The following SEMA3G variants were observed in gnomAD, a reference collection of about 807,000 sequenced individuals.
SEMA3G encodes the protein semaphorin 3G.
Under a neutral mutation model 86.2 loss-of-function variants are expected in SEMA3G, and 70 were observed. The ratio of observed to expected loss-of-function variants is 0.81; its 90% CI spans 0.67 to 0.99. The LOEUF (loss-of-function observed/expected upper bound fraction) is 0.99. SEMA3G is among the 50% of genes least tolerant of loss of function. The probability of loss-of-function intolerance (pLI) is 0.00; values close to 1 mark genes in which losing one functional copy is unlikely to be tolerated. For missense variants in SEMA3G, 1,002 were observed against 1,072.4 expected (o/e 0.93, Z 0.92); for synonymous variants, 416 against 441.4 (o/e 0.94, Z 0.72).
Position 52,439,658 on chromosome 3 carries a change from C to T in SEMA3G, c.1467+22G>A, listed in dbSNP as rs369683377. 1.9e-6 allele frequency: 3 copies of T among 1,594,280 alleles called. No individual in the cohort carries two copies. In the African/African-American group the frequency reaches 4.0e-5, roughly 21 times the overall value. ...CCCAGAGATGGGGCTTGGAGGGACCCTTCCATCAGCCCCTTGCTTACCTTA... is the reference window on the plus strand; with the variant it reads ...CCCAGAGATGGGGCTTGGAGGGACCTTTCCATCAGCCCCTTGCTTACCTTA... On this transcript the variant is annotated intron_variant, in intron 12 of 15. Coordinates refer to ENST00000231721, the MANE Select transcript of SEMA3G (RefSeq NM_020163.3).
Position 52,441,384 on chromosome 3 carries a change from C to A in SEMA3G, c.693G>T (p.Arg231=), listed in dbSNP as rs994002168. ...LHDPRFVMAA[R]IPENSDQDND... Reference sequence around the variant, plus strand: ...TGTCCTGGTCAGAGTTCTCAGGGATCCGGGCGGCCATCACAAACCGGGGGT... The same window carrying A: ...TGTCCTGGTCAGAGTTCTCAGGGATACGGGCGGCCATCACAAACCGGGGGT... Residue 231 remains arginine (R), a synonymous_variant, in exon 7 of 16, where the codon CGG becomes CGT. Coordinates refer to ENST00000231721, the MANE Select transcript of SEMA3G (RefSeq NM_020163.3). The A allele has an allele frequency of 3.7e-6, 6 of 1,613,606 alleles. No individual in the cohort carries two copies. The highest frequency in any genetic ancestry group is 1.6e-4 in the Middle Eastern group (1 of 6,084).
chr3:52,439,548 C>G, intron 12 of SEMA3G, 132 bp downstream of exon 12: 4 of 722,980 alleles, frequency 5.5e-6, no homozygotes, highest in Non-Finnish European at 9.6e-6. Flanking sequence ...CATCCCCTCC[C>G]CAGCATCCTG....
At chr3:52,436,348 T>G (rs537969712) in intron 15 of SEMA3G, among the ~76,000 whole-genome samples, 1 of 152,342 alleles carries the variant, frequency 6.6e-6, no homozygotes, top group East Asian at 1.9e-4. Context: ...ACTCCAATCT[T>G]GGCCTCAGAG....
intron 1 of SEMA3G, among the ~76,000 whole-genome samples, chr3:52,443,954 G>A (rs995927037): frequency 3.3e-5 from 5 of 152,178 alleles, no homozygotes; most frequent in Non-Finnish European, 7.3e-5. Context: ...GGCCTGAGCC[G>A]GCTCACATGT....
intron 13 of SEMA3G, chr3:52,438,577 C>T (rs553931884): frequency 1.1e-4 from 106 of 985,390 alleles, no homozygotes; most frequent in Non-Finnish European, 1.3e-4. Context: ...TACACTGGAG[C>T]AGATAAATAT....
chr3:52,443,061 C>T (rs1012958736), intron 1 of SEMA3G, 154 bp from the exon 2 acceptor site: 3 of 1,534,646 alleles, frequency 2.0e-6, no homozygotes, highest in Non-Finnish European at 2.6e-6. Context: ...GGCTTTCGGA[C>T]CATGGCTCCT....
intron 1 of SEMA3G, among the ~76,000 whole-genome samples, chr3:52,443,736 C>T (rs1578260213): frequency 6.6e-6 from 1 of 152,228 alleles, no homozygotes; most frequent in Non-Finnish European, 1.5e-5. Context: ...GGGGAACTTT[C>T]CCTATTTGGG....
chr3:52,442,207 A>G lies in SEMA3G; in HGVS notation c.437T>C (p.Ile146Thr). 1 of 1,613,610 alleles carries G rather than the reference A, an allele frequency of 6.2e-7. No homozygotes were observed. Among genetic ancestry groups the G allele is most frequent in the Non-Finnish European group, 8.5e-7 (1 of 1,179,796 alleles). Residue 146 changes from isoleucine to threonine, a missense_variant, in exon 4 of 16, where the codon ATC (isoleucine) becomes ACC (threonine). Coordinates refer to ENST00000231721, the MANE Select transcript of SEMA3G (RefSeq NM_020163.3). The surrounding 1 kb of genome is among the most constrained non-coding windows in gnomAD (Gnocchi z 6.1). ...TGAFQPTCAL[I>T]TVGHRGEHVL... ...CACCTCCCCACGGTGGCCAACTGTG[A>G]TGAGGGCACAGGTGGGCTGGAAGGC...
rs952562401 is a variant in SEMA3G at position 52,435,814 on chromosome 3, A to C, written c.2138T>G (p.Leu713Arg). The part of the protein sequence containing the change: ...PKAWYKDILQ[L>R]IGFANLPRVD... ...CCGGGGCAGGTTGGCGAAGCCAATG[A>C]GCTGCAGGATGTCCTTGTACCAGGC... Residue 713 changes from leucine to arginine, a missense_variant, in exon 16 of 16, where the codon CTC (leucine) becomes CGC (arginine). Coordinates refer to ENST00000231721, the MANE Select transcript of SEMA3G (RefSeq NM_020163.3). The C allele has an allele frequency of 6.2e-7, 1 of 1,614,110 alleles. No individual in the cohort carries two copies. The highest frequency in any genetic ancestry group is 1.7e-4 in the Middle Eastern group (1 of 6,060).
chr3:52,442,795 G>T lies in SEMA3G; in HGVS notation c.228C>A (p.Asp76Glu), dbSNP rs141433985. 1.2e-6 allele frequency: 2 copies of T among 1,613,884 alleles called. No individual in the cohort carries two copies. The highest frequency in any genetic ancestry group is 8.5e-7 in the Non-Finnish European group (1 of 1,179,968). Residue 76 changes from aspartate to glutamate, a missense_variant, in exon 2 of 16, where the codon GAC becomes GAA. Asp to Glu is a conservative substitution (Grantham distance 45). Transcript: ENST00000231721. The surrounding 1 kb of genome is among the most constrained non-coding windows in gnomAD (Gnocchi z 6.1). ...YRDRLFLGGL[D>E]ALYSLRLDQA... ...GGTCCAGCCGCAGAGAGTAGAGGGC[G>T]TCCAGGCCACCCAGAAAGAGGCGGT...
At chr3:52,440,885 T>G (rs1553650464) in intron 8 of SEMA3G, 49 bp downstream of exon 8, 1 of 1,600,324 alleles carries the variant, frequency 6.2e-7, no homozygotes, top group Non-Finnish European at 8.5e-7. Context: ...TCACCAGCTC[T>G]CAGCCCTCCC....
At chr3:52,441,114 T>G in intron 7 of SEMA3G, 66 bp from the exon 8 acceptor site, 1 of 1,466,184 alleles carries the variant, frequency 6.8e-7, no homozygotes, top group South Asian at 1.3e-5. Context: ...TCCACTCTTC[T>G]ACCCTCACCC....
rs774643539 is a variant in SEMA3G at position 52,441,266 on chromosome 3, C to T, written c.811G>A (p.Val271Met). The T allele has an allele frequency of 2.0e-5, 32 of 1,612,686 alleles. No homozygotes were observed. The highest frequency in any genetic ancestry group is 3.3e-4 in the Middle Eastern group (2 of 6,060). The part of the protein sequence containing the change: ...VTVSRVGRVC[V>M]NDAGGQRVLV... The stretch of plus-strand genomic sequence containing the variant: ...CACCACCCCTTCCCAGCTCTTACCA[C>T]GCAGACGCGGCCCACGCGGCTGACA... The change falls in exon 7 of 16, where the codon GTG becomes ATG. Residue 271 changes from valine (V) to methionine (M), a missense_variant and splice_region_variant. By Grantham distance (21) the Val-to-Met change is conservative. Transcript: ENST00000231721.
chr3:52,440,780 C>T lies in SEMA3G; in HGVS notation c.972G>A (p.Glu324=). The T allele has an allele frequency of 6.2e-7, 1 of 1,613,164 alleles. No individual in the cohort carries two copies. The highest frequency in any genetic ancestry group is 1.1e-5 in the South Asian group (1 of 91,066). Residue 324 remains glutamate (E), a synonymous_variant, in exon 9 of 16, where the codon GAG becomes GAA. Coordinates refer to ENST00000231721, the MANE Select transcript of SEMA3G (RefSeq NM_020163.3). ...LLWPKAGKSL[E]VYALFSTVSA... ...TGACGGTGCTGAACAGCGCGTACAC[C>T]TCGAGGCTCTTCCCGGCCTTGGGCC...
rs1162007676 is a variant in SEMA3G at position 52,442,332 on chromosome 3, G to A, written c.340-28C>T. 2 of 1,608,756 alleles carry A rather than the reference G, an allele frequency of 1.2e-6. No individual in the cohort carries two copies. Among genetic ancestry groups the A allele is most frequent in the African/African-American group, 1.3e-5 (1 of 74,620 alleles). On this transcript the variant is annotated intron_variant, in intron 3 of 15. Coordinates refer to ENST00000231721, the MANE Select transcript of SEMA3G (RefSeq NM_020163.3). The surrounding 1 kb of genome is among the most constrained non-coding windows in gnomAD (Gnocchi z 6.1). ...GCGGGGAGAAGGAGGGGGTGGTTGAGGGGTGAGAGGGGGTGCCCACCATCT... is the reference window on the plus strand; with the variant it reads ...GCGGGGAGAAGGAGGGGGTGGTTGAAGGGTGAGAGGGGGTGCCCACCATCT...
At position 52,442,862 on chromosome 3, in the gene SEMA3G, C is replaced by T; in HGVS notation, c.161G>A (p.Gly54Asp). ...NRSAIFLGPQ[G>D]SLNLQAMYLD... ...GTACATGGCCTGGAGGTTCAGGGAG[C>T]CCTGGGGGCCCAGAAAGATGGCAGA... Residue 54 changes from glycine (G) to aspartate (D), a missense_variant, in exon 2 of 16, where the codon GGC becomes GAC. Gly to Asp is a moderately conservative substitution (Grantham distance 94, BLOSUM62 -1). Transcript: ENST00000231721. This position sits in a 1 kb window ranked among gnomAD's most constrained non-coding sequence, Gnocchi z 6.1. 1.9e-6 allele frequency: 3 copies of T among 1,609,102 alleles called. No individual in the cohort carries two copies. Among genetic ancestry groups the T allele is most frequent in the Non-Finnish European group, 2.5e-6 (3 of 1,177,748 alleles).
At chr3:52,443,978 C>G (rs548090657) in intron 1 of SEMA3G, among the ~76,000 whole-genome samples, 1 of 152,326 alleles carries the variant, frequency 6.6e-6, no homozygotes, top group African/African-American at 2.4e-5. Flanking sequence ...GGGTAGAACA[C>G]AGGAACCCCC....
Position 52,445,091 on chromosome 3 carries a change from C to T in SEMA3G, c.-64G>A. On this transcript the variant is annotated 5_prime_UTR_variant, in exon 1 of 16. Transcript: ENST00000231721. ...AGCCGCCCTCTGGTCCCGCTGGCCG[C>T]CGGTTGTAGTTTGCTCTGCTGCCAC... The T allele has an allele frequency of 1.6e-6, 2 of 1,252,040 alleles. No homozygotes were observed. The highest frequency in any genetic ancestry group is 6.3e-5 in the East Asian group (2 of 31,744). The allele number at this position is 1,252,040 out of a possible 1,614,324, so 77.6% of individuals were successfully genotyped here. A position where few individuals can be genotyped will look rare whatever the true frequency, so the allele number is the denominator to read the frequency against.
In SEMA3G at chr3:52,433,131, T is replaced by C. The variant is rs1157033290; in HGVS notation, c.*2472A>G. The C allele has an allele frequency of 6.6e-6, 1 of 152,166 alleles. No homozygotes were observed. The highest frequency in any genetic ancestry group is 2.4e-5 in the African/African-American group (1 of 41,440). 9.4% of individuals were successfully genotyped at this position (152,166 alleles called of 1,614,324 possible). A position where few individuals can be genotyped will look rare whatever the true frequency, so the allele number is the denominator to read the frequency against. On this transcript the variant is annotated 3_prime_UTR_variant, in exon 16 of 16. Coordinates refer to ENST00000231721, the MANE Select transcript of SEMA3G (RefSeq NM_020163.3). ...AACTCCTTCCTTCCCCTGATACCCA[T>C]CTTCCTCCTTTCTAGAAAGCACCAC... is the stretch of plus-strand genomic sequence containing the variant.
Sources: allele counts gnomAD v4.1 joint callset (sites outside exome capture counted in the v4.1 genomes callset), GRCh38; gene constraint gnomAD v4.1.1; non-coding constraint Gnocchi (gnomAD v3.1); transcripts MANE v1.5; gene names NCBI Gene and HGNC (gene_info 2026-07-23, HGNC 2026-07-21).